Variants in HNRNPDL observed in about 807,000 individuals in gnomAD.
HNRNPDL encodes heterogeneous nuclear ribonucleoprotein D-like.
In HNRNPDL, 18 loss-of-function variants were observed where a neutral mutation model predicts 48.0. That is an observed-to-expected ratio of 0.38 (90% CI 0.26 to 0.56). The LOEUF is 0.56. Among genes scored for constraint, HNRNPDL ranks in the 20% least tolerant of loss-of-function variants. HNRNPDL has a pLI of 0.77. For missense variants in HNRNPDL, 553 were observed against 540.7 expected (o/e 1.02, Z -0.23); for synonymous variants, 306 against 207.3 (o/e 1.48, Z -4.09).
chr4:82,426,693 A>C, intron 5 of HNRNPDL, 60 bp from the exon 6 acceptor site: 1 of 1,379,846 alleles, frequency 7.2e-7, no homozygotes. Context: ...CTAACATAAA[A>C]TGATGCGTTC....
In HNRNPDL at chr4:82,423,486, AG is replaced by A. The variant is rs994519790; in HGVS notation, c.*1419del. ...CAAGAGCATTATAATGTGATAGCCC[AG>A]GAAGTAGAATCATTGTTAAGAAAGT... On this transcript the variant is annotated 3_prime_UTR_variant, in exon 8 of 8. Coordinates refer to ENST00000295470, the MANE Select transcript of HNRNPDL (RefSeq NM_031372.4). 2 of 152,218 alleles carry A rather than the reference AG, an allele frequency of 1.3e-5. No homozygotes were observed. The highest frequency in any genetic ancestry group is 4.8e-5 in the African/African-American group (2 of 41,442). The allele number at this position is 152,218 out of a possible 1,614,324, so 9.4% of individuals were successfully genotyped here.
At chr4:82,427,052 C>G (rs1257136686) in intron 5 of HNRNPDL, 138 bp downstream of exon 5, 1 of 732,554 alleles carries the variant, frequency 1.4e-6, no homozygotes, top group East Asian at 2.5e-5. Flanking sequence ...CCACACACAA[C>G]CTCCACTAAG....
chr4:82,426,248 G>T, intron 6 of HNRNPDL, 119 bp from the exon 7 acceptor site: 1 of 983,676 alleles, frequency 1.0e-6, no homozygotes, highest in Non-Finnish European at 1.6e-6. Context: ...AGATATTTTA[G>T]CACCCATTAG....
intron 7 of HNRNPDL, chr4:82,425,235 T>C (rs972880191): frequency 7.2e-5 from 11 of 152,252 alleles, no homozygotes; most frequent in African/African-American, 2.4e-4. Flanking sequence ...TAAATTGATC[T>C]GTGCATATGA....
At chr4:82,426,711 T>G in intron 5 of HNRNPDL, 78 bp from the exon 6 acceptor site, 9 of 1,193,372 alleles carry the variant, frequency 7.5e-6, no homozygotes, top group Non-Finnish European at 1.1e-5. Context: ...TTCTTGTCTC[T>G]CACTCTGCAA....
Position 82,428,058 on chromosome 4 carries a change from G to C in HNRNPDL, c.734C>G (p.Ser245Cys), listed in dbSNP as rs1461782720. 1 of 1,614,154 alleles carries C rather than the reference G, an allele frequency of 6.2e-7. No homozygotes were observed. The highest frequency in any genetic ancestry group is 1.7e-5 in the Admixed American group (1 of 60,028). Reference protein sequence around the residue: ...VFVGGLSPDTSEEQIKEYFGA... With the variant: ...VFVGGLSPDTCEEQIKEYFGA... ...AAAATATTCTTTAATTTGTTCTTCA[G>C]AAGTATCCGGGCTCAATCCACCCAC... The change falls in exon 3 of 8, where the codon TCT becomes TGT. Residue 245 changes from serine (S) to cysteine (C), a missense_variant. By Grantham distance (112) the Ser-to-Cys change is moderately radical. This residue lies in a region of HNRNPDL where 174 missense variants were observed against 204.6 expected (regional missense o/e 0.85). Coordinates refer to ENST00000295470, the MANE Select transcript of HNRNPDL (RefSeq NM_031372.4).
rs1231938033 is a variant in HNRNPDL, at chr4:82,422,816, T to C, written c.*2090A>G. 1 of 152,224 alleles carries C rather than the reference T, an allele frequency of 6.6e-6. No individual in the cohort carries two copies. Among genetic ancestry groups the C allele is most frequent in the African/African-American group, 2.4e-5 (1 of 41,470 alleles). 9.4% of individuals were successfully genotyped at this position (152,224 alleles called of 1,614,324 possible). ...ATCACACAGAATTTGGTCTAAACAA[T>C]GTAAAAGGCAAATACGATGTAAAAA... On this transcript the variant is annotated 3_prime_UTR_variant, in exon 8 of 8. Transcript: ENST00000295470.
rs1721265435 is a variant in HNRNPDL, at chr4:82,423,310, C to T, written c.*1596G>A. On this transcript the variant is annotated 3_prime_UTR_variant, in exon 8 of 8. Coordinates refer to ENST00000295470, the MANE Select transcript of HNRNPDL (RefSeq NM_031372.4). ...ATTTGAACTTACAGGATTCACTACCCTAGACACCGCACCTACTGACAACAC... is the reference window on the plus strand; with the variant it reads ...ATTTGAACTTACAGGATTCACTACCTTAGACACCGCACCTACTGACAACAC... The T allele has an allele frequency of 6.6e-6, 1 of 152,156 alleles. No homozygotes were observed. Among genetic ancestry groups the T allele is most frequent in the Non-Finnish European group, 1.5e-5 (1 of 68,034 alleles). The allele number at this position is 152,156 out of a possible 1,614,324, so 9.4% of individuals were successfully genotyped here.
chr4:82,429,466 T>A lies in HNRNPDL; in HGVS notation c.225A>T (p.Ile75=). The A allele has an allele frequency of 6.3e-7, 1 of 1,591,628 alleles. No individual in the cohort carries two copies. The highest frequency in any genetic ancestry group is 1.1e-5 in the South Asian group (1 of 90,112). Reference sequence around the variant, plus strand: ...CCGGGCGCCGCCTGCGCCCTCCCTTTATAGCCGCCCCGCCCGCCAATCGGG... The same window carrying A: ...CCGGGCGCCGCCTGCGCCCTCCCTTAATAGCCGCCCCGCCCGCCAATCGGG... ...QPSRLAGGAA[I]KGGRRRRPDL... Residue 75 remains isoleucine, a synonymous_variant, in exon 1 of 8, where the codon ATA becomes ATT. Coordinates refer to ENST00000295470, the MANE Select transcript of HNRNPDL (RefSeq NM_031372.4).
intron 6 of HNRNPDL, 34 bp downstream of exon 6, chr4:82,426,429 C>T (rs780049329): frequency 6.4e-7 from 1 of 1,552,372 alleles, no homozygotes; most frequent in Admixed American, 1.7e-5. Flanking sequence ...ATTTTAATAC[C>T]ACTGCTTTAT....
Position 82,424,876 on chromosome 4 carries a change from A to G in HNRNPDL, c.*30T>C, listed in dbSNP as rs769248982. 1 of 152,262 alleles carries G rather than the reference A, an allele frequency of 6.6e-6. No homozygotes were observed. The highest frequency in any genetic ancestry group is 1.5e-5 in the Non-Finnish European group (1 of 68,044). 9.4% of individuals were successfully genotyped at this position (152,262 alleles called of 1,614,324 possible). On this transcript the variant is annotated 3_prime_UTR_variant, in exon 8 of 8. Transcript: ENST00000295470. Reference sequence around the variant, plus strand: ...GTCCTGCAAGATGGGTTACTTTAACATCTCCTCCTAAAAACAAAAACAAAA... The same window carrying G: ...GTCCTGCAAGATGGGTTACTTTAACGTCTCCTCCTAAAAACAAAAACAAAA...
chr4:82,426,848 TCA>T, intron 5 of HNRNPDL, among the ~76,000 whole-genome samples: 1 of 152,046 alleles, frequency 6.6e-6, no homozygotes, highest in Non-Finnish European at 1.5e-5. Context: ...TAATGGAAAA[TCA>T]TTCAATTTTC....
rs753499109 is a variant in HNRNPDL, at chr4:82,428,237, AAAC to A, written c.612+38_612+40del. 9.3e-6 allele frequency: 15 copies of A among 1,607,460 alleles called. No individual in the cohort carries two copies. In the Admixed American group the frequency reaches 1.8e-4, roughly 20 times the overall value. On this transcript the variant is annotated intron_variant, in intron 2 of 7. Coordinates refer to ENST00000295470, the MANE Select transcript of HNRNPDL (RefSeq NM_031372.4). ...CATATAACCCCCAGAAAAATTTGCA[AAAC>A]ACCACAAAAGCAGCACAATGCAAAA...
chr4:82,429,578 A>C lies in HNRNPDL; in HGVS notation c.113T>G (p.Leu38Arg), dbSNP rs373042980. The change falls in exon 1 of 8, where the codon CTA (leucine) becomes CGA (arginine). Residue 38 changes from leucine (L) to arginine (R), a missense_variant. Leu to Arg is a moderately radical substitution (Grantham distance 102). Around this residue, in one of 4 missense-constraint regions of HNRNPDL, gnomAD observed 327 missense variants for 203.2 expected, o/e 1.61. Coordinates refer to ENST00000295470, the MANE Select transcript of HNRNPDL (RefSeq NM_031372.4). Reference sequence around the variant, plus strand: ...AGCGAGCGAAGGGAGGAGCGGGGCTAGCTGCCGCGGCGGCCGCGGCCGCCA... The same window carrying C: ...AGCGAGCGAAGGGAGGAGCGGGGCTCGCTGCCGCGGCGGCCGCGGCCGCCA... ...SHWRPRPPRQLAPLLPSLAPS... is the reference protein window; with the variant it reads ...SHWRPRPPRQRAPLLPSLAPS... 7.2e-7 allele frequency: 1 copy of C among 1,389,634 alleles called. No individual in the cohort carries two copies. The highest frequency in any genetic ancestry group is 3.8e-5 in the Admixed American group (1 of 26,278). The allele number at this position is 1,389,634 out of a possible 1,614,324, so 86.1% of individuals were successfully genotyped here.
intron 6 of HNRNPDL, 140 bp from the exon 7 acceptor site, chr4:82,426,269 T>C (rs1019337448): frequency 8.2e-5 from 71 of 870,930 alleles, no homozygotes; most frequent in Non-Finnish European, 1.2e-4. Flanking sequence ...ATGCTACTCA[T>C]AAATCATACA....
chr4:82,428,960 T>A (rs1310447473), intron 1 of HNRNPDL, among the ~76,000 whole-genome samples: 4 of 152,214 alleles, frequency 2.6e-5, no homozygotes, highest in Non-Finnish European at 5.9e-5. Flanking sequence ...CGTGCAGCGC[T>A]GGGAGGCCGG....
At position 82,424,417 on chromosome 4, in the gene HNRNPDL, A is replaced by G. The variant is rs1218739044; in HGVS notation, c.*489T>C. ...AAAGAACATTGTTCAAAGGTGTGGT[A>G]GAAATCTCAGTTACAGGGAGAAGAT... On this transcript the variant is annotated 3_prime_UTR_variant, in exon 8 of 8. Coordinates refer to ENST00000295470, the MANE Select transcript of HNRNPDL (RefSeq NM_031372.4). 6.5e-6 allele frequency: 1 copy of G among 152,674 alleles called. No individual in the cohort carries two copies. Among genetic ancestry groups the G allele is most frequent in the Non-Finnish European group, 1.5e-5 (1 of 68,040 alleles). 9.5% of individuals were successfully genotyped at this position (152,674 alleles called of 1,614,324 possible).
rs753527264 is a variant in HNRNPDL at position 82,429,353 on chromosome 4, G to C, written c.338C>G (p.Pro113Arg). 2.5e-6 allele frequency: 4 copies of C among 1,613,450 alleles called. No homozygotes were observed. The highest frequency in any genetic ancestry group is 3.4e-6 in the Non-Finnish European group (4 of 1,179,776). Residue 113 changes from proline to arginine, a missense_variant, in exon 1 of 8, where the codon CCT (proline) becomes CGT (arginine). By Grantham distance (103) the Pro-to-Arg change is moderately radical. Coordinates refer to ENST00000295470, the MANE Select transcript of HNRNPDL (RefSeq NM_031372.4). ...CTCCATAGTGACGGAGCTGTCGGCA[G>C]GGGGGTGCTGGCGCGCAGTCCGGGT... ...AATRTARQHP[P>R]ADSSVTMEDM...
chr4:82,430,386 G>A lies in HNRNPDL; in HGVS notation c.-696C>T, dbSNP rs566635943. Reference sequence around the variant, plus strand: ...CGGGGCTCCTTTCTGCACGTGCCCCGGGCCTCTCCCGCTCGCTCAACCTGT... The same window carrying A: ...CGGGGCTCCTTTCTGCACGTGCCCCAGGCCTCTCCCGCTCGCTCAACCTGT... On this transcript the variant is annotated 5_prime_UTR_variant, in exon 1 of 8. Coordinates refer to ENST00000295470, the MANE Select transcript of HNRNPDL (RefSeq NM_031372.4). 82 of 171,764 alleles carry A rather than the reference G, an allele frequency of 4.8e-4. No individual in the cohort carries two copies. The highest frequency in any genetic ancestry group is 1.9e-3 in the African/African-American group (80 of 41,834). 10.6% of individuals were successfully genotyped at this position (171,764 alleles called of 1,614,324 possible).
Sources: allele counts gnomAD v4.1 joint callset (sites outside exome capture counted in the v4.1 genomes callset), GRCh38; gene constraint gnomAD v4.1.1; regional missense constraint gnomAD v4.1.1; transcripts MANE v1.5; gene names NCBI Gene and HGNC (gene_info 2026-07-23, HGNC 2026-07-21).